Variants in ACYP2 observed in about 807,000 individuals in gnomAD.
The protein encoded by ACYP2 is acylphosphatase 2, also known as acylphosphatase-2.
ACYP2 carries 12 observed loss-of-function variants against 11.2 expected under a neutral mutation model. The ratio of observed to expected loss-of-function variants is 1.08; its 90% CI spans 0.69 to 1.74. The LOEUF (loss-of-function observed/expected upper bound fraction) is 1.74, where lower values mean the gene tolerates loss of function less well. ACYP2 is among the 40% of genes most tolerant of loss of function. The pLI is 0.00. For synonymous variants in ACYP2, 43 were observed against 32.2 expected (o/e 1.33, Z -1.13); for missense variants, 134 against 101.9 (o/e 1.31, Z -1.35).
At chr2:54,147,051 C>T (rs752887330) in intron 6 of ACYP2, among the ~76,000 whole-genome samples, 1 of 152,150 alleles carries the variant, frequency 6.6e-6, no homozygotes, top group African/African-American at 2.4e-5. Flanking sequence ...CAGCCTCAGC[C>T]TCCCAAAGTG....
intron 4 of ACYP2, among the ~76,000 whole-genome samples, chr2:54,120,094 T>A (rs1214250301): frequency 6.6e-6 from 1 of 152,256 alleles, no homozygotes; most frequent in Non-Finnish European, 1.5e-5. Context: ...GACTTATCAC[T>A]GTTGATGTTA....
chr2:54,051,163 G>T, intron 3 of ACYP2: 1 of 704,714 alleles, frequency 1.4e-6, no homozygotes, highest in East Asian at 2.4e-5. Flanking sequence ...GTGAGAACCA[G>T]ACAGGCATTG....
chr2:54,147,045 C>T lies in ACYP2; in HGVS notation c.404+8297C>T, dbSNP rs147739739. ...TCCTGACCTCAGGTGATCTGCCAGC[C>T]TCAGCCTCCCAAAGTGCTGGGATTA... is the stretch of plus-strand genomic sequence containing the variant. On this transcript the variant is annotated intron_variant, in intron 6 of 6. Coordinates refer to ENST00000607452, the MANE Select transcript of ACYP2 (RefSeq NM_001320586.2). 1.1e-3 allele frequency among the ~76,000 whole-genome samples: 171 copies of T among 152,244 alleles called. No homozygotes were observed. The East Asian group carries it at 0.021, about 18-fold the overall frequency.
intron 2 of ACYP2, among the ~76,000 whole-genome samples, chr2:53,989,463 A>G (rs1408986057): frequency 3.3e-5 from 5 of 152,112 alleles, no homozygotes; most frequent in Non-Finnish European, 5.9e-5. Flanking sequence ...TAGTCCTGCT[A>G]AAATGCACCT....
At chr2:54,018,934 G>C (rs1442322880) in intron 2 of ACYP2, among the ~76,000 whole-genome samples, 2 of 151,896 alleles carry the variant, frequency 1.3e-5, no homozygotes, top group Admixed American at 1.3e-4. Context: ...TTTTCGAAGA[G>C]ATGGGGTTTC....
chr2:54,115,641 C>T (rs1679711596), intron 4 of ACYP2: 3 of 1,583,956 alleles, frequency 1.9e-6, no homozygotes, highest in South Asian at 1.1e-5. Flanking sequence ...TCGCAGCCGC[C>T]GCAGTCGCTG....
intron 6 of ACYP2, among the ~76,000 whole-genome samples, chr2:54,196,728 T>G (rs1684497119): frequency 6.9e-6 from 1 of 144,440 alleles, no homozygotes; most frequent in Non-Finnish European, 1.5e-5. Flanking sequence ...CCAGTCGTGG[T>G]CACCAAATTT....
chr2:54,219,291 A>T (rs1011601699), intron 6 of ACYP2, among the ~76,000 whole-genome samples: 2 of 152,204 alleles, frequency 1.3e-5, no homozygotes, highest in Non-Finnish European at 2.9e-5. Context: ...TTGTTTTGCA[A>T]GTGAGAAGCA....
At chr2:53,996,387 A>G (rs966899431) in intron 2 of ACYP2, among the ~76,000 whole-genome samples, 1 of 152,162 alleles carries the variant, frequency 6.6e-6, no homozygotes. Flanking sequence ...GAAAGCCTTC[A>G]GATCTGGATG....
intron 6 of ACYP2, among the ~76,000 whole-genome samples, chr2:54,266,178 T>C (rs1688008593): frequency 6.6e-6 from 1 of 152,230 alleles, no homozygotes; most frequent in Admixed American, 6.5e-5. Flanking sequence ...CTAGAACTTA[T>C]GGTCTGCAAC....
intron 6 of ACYP2, chr2:54,255,833 T>TTG: frequency 1.2e-6 from 2 of 1,613,956 alleles, no homozygotes; most frequent in Non-Finnish European, 1.7e-6. Flanking sequence ...CTGCCGTCAG[T>TTG]TGTCAGCGAG....
In ACYP2 at chr2:54,139,912, C is replaced by T. The variant is rs201489338; in HGVS notation, c.404+1164C>T. Among the ~76,000 whole-genome samples, 6 of 151,906 alleles carry T rather than the reference C, an allele frequency of 3.9e-5. No individual in the cohort carries two copies. In the East Asian group the frequency reaches 5.8e-4, roughly 15 times the overall value. ...TAATTAAGGTTTTGCTGATTTTTACCGAAATAGAATACCTTGTGCATATTT... is the reference window on the plus strand; with the variant it reads ...TAATTAAGGTTTTGCTGATTTTTACTGAAATAGAATACCTTGTGCATATTT... On this transcript the variant is annotated intron_variant, in intron 6 of 6. Coordinates refer to ENST00000607452, the MANE Select transcript of ACYP2 (RefSeq NM_001320586.2).
chr2:54,050,894 C>A, intron 2 of ACYP2: 1 of 390,178 alleles, frequency 2.6e-6, no homozygotes, highest in Non-Finnish European at 4.5e-6. Flanking sequence ...CCTGCCTCAG[C>A]CTTCTGAGTA....
At chr2:54,199,976 A>G (rs1684689413) in intron 6 of ACYP2, among the ~76,000 whole-genome samples, 1 of 152,232 alleles carries the variant, frequency 6.6e-6, no homozygotes, top group African/African-American at 2.4e-5. Flanking sequence ...GAATTTAAAC[A>G]CAGTTTTGTA....
At chr2:54,179,314 A>C (rs936551358) in intron 6 of ACYP2, among the ~76,000 whole-genome samples, 1 of 152,158 alleles carries the variant, frequency 6.6e-6, no homozygotes, top group African/African-American at 2.4e-5. Context: ...GCAGATACCA[A>C]CTGGATATCC....
chr2:54,092,242 C>T (rs1678274563), intron 4 of ACYP2, among the ~76,000 whole-genome samples: 1 of 152,106 alleles, frequency 6.6e-6, no homozygotes, highest in Non-Finnish European at 1.5e-5. Flanking sequence ...CTTTCATTTA[C>T]AAGTGGGTTA....
intron 2 of ACYP2, among the ~76,000 whole-genome samples, chr2:53,976,603 A>G (rs1279526536): frequency 6.6e-6 from 1 of 151,492 alleles, no homozygotes; most frequent in African/African-American, 2.4e-5. Flanking sequence ...TAGAGGAACA[A>G]GAATATTAGA....
intron 6 of ACYP2, among the ~76,000 whole-genome samples, chr2:54,139,142 G>C (rs1189466689): frequency 2.6e-5 from 4 of 152,178 alleles, no homozygotes; most frequent in Non-Finnish European, 5.9e-5. Context: ...AAGAATTGTG[G>C]CTTCCCTCTC....
intron 2 of ACYP2, among the ~76,000 whole-genome samples, chr2:54,022,267 G>C (rs1402960032): frequency 6.6e-6 from 1 of 151,878 alleles, no homozygotes; most frequent in Non-Finnish European, 1.5e-5. Context: ...CCCCTGACAG[G>C]GTTCAGGATT....
Sources: allele counts gnomAD v4.1 joint callset (sites outside exome capture counted in the v4.1 genomes callset), GRCh38; gene constraint gnomAD v4.1.1; transcripts MANE v1.5; gene names NCBI Gene and HGNC (gene_info 2026-07-23, HGNC 2026-07-21).